The following MACROD2 variants were observed in gnomAD, a reference collection of about 807,000 sequenced individuals.
MACROD2 encodes the protein ADP-ribose glycohydrolase MACROD2.
MACROD2 carries 36 observed loss-of-function variants against 70.4 expected under a neutral mutation model. That is an observed-to-expected ratio of 0.51 (90% CI 0.39 to 0.68). The LOEUF is 0.68. Among genes scored for constraint, MACROD2 ranks in the 30% least tolerant of loss-of-function variants. The probability of loss-of-function intolerance (pLI) is 0.00; values close to 1 mark genes in which losing one functional copy is unlikely to be tolerated. For synonymous variants in MACROD2, 172 were observed against 178.8 expected (o/e 0.96, Z 0.30); for missense variants, 496 against 538.4 (o/e 0.92, Z 0.78).
intron 3 of MACROD2, among the ~76,000 whole-genome samples, chr20:14,353,553 T>C (rs1183229311): frequency 1.3e-5 from 2 of 152,032 alleles, no homozygotes; most frequent in Non-Finnish European, 2.9e-5. Context: ...TAACCACAGG[T>C]AACAGACAAT....
At chr20:15,338,132 C>A (rs532072341) in intron 6 of MACROD2, among the ~76,000 whole-genome samples, 1 of 151,604 alleles carries the variant, frequency 6.6e-6, no homozygotes, top group South Asian at 2.1e-4. Context: ...GCTTATTTCT[C>A]CCTATCTGCC....
chr20:15,582,989 G>C (rs745801428), intron 8 of MACROD2, among the ~76,000 whole-genome samples: 1 of 152,056 alleles, frequency 6.6e-6, no homozygotes, highest in Non-Finnish European at 1.5e-5. Flanking sequence ...AAATTCATCA[G>C]CTGAGTCGGG....
chr20:15,149,107 C>A, intron 5 of MACROD2, among the ~76,000 whole-genome samples: 1 of 151,902 alleles, frequency 6.6e-6, no homozygotes, highest in Non-Finnish European at 1.5e-5. Flanking sequence ...TGACTTGGGG[C>A]ATGTTGAGTA....
chr20:15,141,716 T>G (rs1388486667), intron 5 of MACROD2, among the ~76,000 whole-genome samples: 1 of 152,164 alleles, frequency 6.6e-6, no homozygotes, highest in Non-Finnish European at 1.5e-5. Context: ...GCCACTTTTG[T>G]TTCAATGCTG....
At chr20:15,491,783 G>A (rs887784550) in intron 7 of MACROD2, among the ~76,000 whole-genome samples, 1 of 151,252 alleles carries the variant, frequency 6.6e-6, no homozygotes, top group South Asian at 2.1e-4. Context: ...GGGTAAAAGG[G>A]GCTGGCACCA....
intron 4 of MACROD2, among the ~76,000 whole-genome samples, chr20:14,628,264 C>A (rs909613492): frequency 6.6e-6 from 1 of 152,108 alleles, no homozygotes; most frequent in Non-Finnish European, 1.5e-5. Flanking sequence ...GTCAGCTTTT[C>A]ATTTTGGATT....
At chr20:14,103,746 A>T (rs2054329485) in intron 3 of MACROD2, among the ~76,000 whole-genome samples, 2 of 152,194 alleles carry the variant, frequency 1.3e-5, no homozygotes, top group African/African-American at 4.8e-5. Flanking sequence ...TTATAAATAC[A>T]ATACTTTTTA....
chr20:15,561,803 G>A (rs921904682), intron 8 of MACROD2, among the ~76,000 whole-genome samples: 5 of 152,038 alleles, frequency 3.3e-5, no homozygotes, highest in Admixed American at 6.6e-5. Flanking sequence ...GGGGCGTGCC[G>A]AGGGAATTAA....
chr20:14,269,412 G>C (rs919665284), intron 3 of MACROD2, among the ~76,000 whole-genome samples: 2 of 152,122 alleles, frequency 1.3e-5, no homozygotes, highest in African/African-American at 2.4e-5. Context: ...TGAGGACAAG[G>C]ATACTACCAG....
At chr20:14,869,968 T>A (rs1168229926) in intron 5 of MACROD2, among the ~76,000 whole-genome samples, 1 of 152,100 alleles carries the variant, frequency 6.6e-6, no homozygotes, top group Non-Finnish European at 1.5e-5. Context: ...GCTTTTATTT[T>A]AGTTCAGGGG....
rs1377768596 is a variant in MACROD2 at position 15,388,170 on chromosome 20, A to G, written c.541-43235A>G. On this transcript the variant is annotated intron_variant, in intron 6 of 17. Transcript: ENST00000684519. ...ATGAAGATGGGAGTTGGGATGGAAA[A>G]GGGGAAGGGGAGGCTGAAAAGGGAG... Among the ~76,000 whole-genome samples the G allele has an allele frequency of 2.6e-5, 4 of 152,178 alleles. No homozygotes were observed. The East Asian group carries it at 5.8e-4, about 22-fold the overall frequency.
At chr20:14,505,056 C>T (rs1304084670) in intron 4 of MACROD2, among the ~76,000 whole-genome samples, 5 of 152,156 alleles carry the variant, frequency 3.3e-5, no homozygotes, top group Non-Finnish European at 7.4e-5. Context: ...ATAGAAACCA[C>T]TAATTACAAA....
At chr20:14,200,948 GTT>G (rs11087079) in intron 3 of MACROD2, among the ~76,000 whole-genome samples, 2 of 143,496 alleles carry the variant, frequency 1.4e-5, no homozygotes, top group Non-Finnish European at 1.5e-5. Flanking sequence ...TGCTGGTAAT[GTT>G]TTTTTTTTTT....
intron 8 of MACROD2, among the ~76,000 whole-genome samples, chr20:15,846,174 A>G (rs903996849): frequency 6.6e-6 from 1 of 152,216 alleles, no homozygotes; most frequent in South Asian, 2.1e-4. Flanking sequence ...TAAAAGATGT[A>G]TGTTGAAGGA....
At chr20:15,700,609 A>G (rs1288251060) in intron 8 of MACROD2, among the ~76,000 whole-genome samples, 1 of 152,178 alleles carries the variant, frequency 6.6e-6, no homozygotes, top group African/African-American at 2.4e-5. Flanking sequence ...TTCTTAACTC[A>G]GCATTTACAT....
At chr20:15,295,321 A>G (rs570682405) in intron 6 of MACROD2, among the ~76,000 whole-genome samples, 1 of 152,294 alleles carries the variant, frequency 6.6e-6, no homozygotes, top group Admixed American at 6.5e-5. Flanking sequence ...AAATAGACTA[A>G]TACACTTTGA....
chr20:15,833,559 T>C (rs549749375), intron 8 of MACROD2, among the ~76,000 whole-genome samples: 67 of 152,304 alleles, frequency 4.4e-4, no homozygotes, highest in Admixed American at 7.8e-4. Context: ...TATGAAGGAT[T>C]GAGAAACGTG....
At chr20:14,323,250 A>T (rs1259769247) in intron 3 of MACROD2, 1 of 152,164 alleles carries the variant, frequency 6.6e-6, no homozygotes, top group Non-Finnish European at 1.5e-5. Context: ...GTTTCCCAGG[A>T]TCCCCTTTTT....
At chr20:15,700,880 C>A (rs531502706) in intron 8 of MACROD2, among the ~76,000 whole-genome samples, 23 of 152,308 alleles carry the variant, frequency 1.5e-4, no homozygotes, top group Admixed American at 2.6e-4. Context: ...AGATATAAAT[C>A]ATTAATTCAT....
Sources: allele counts gnomAD v4.1 joint callset (sites outside exome capture counted in the v4.1 genomes callset), GRCh38; gene constraint gnomAD v4.1.1; transcripts MANE v1.5; gene names NCBI Gene and HGNC (gene_info 2026-07-23, HGNC 2026-07-21).